GYPE: variants seen among roughly 807,000 people sequenced by gnomAD.
GYPE encodes the protein glycophorin-E.
In GYPE, 8 loss-of-function variants were observed where a neutral mutation model predicts 11.6. That is an observed-to-expected ratio of 0.69 (90% CI 0.41 to 1.25). GYPE has a LOEUF of 1.25. Ranked by LOEUF, GYPE falls within the 50% of genes most tolerant of loss-of-function variation. The pLI is 0.01. For synonymous variants in GYPE, 28 were observed against 29.6 expected (o/e 0.94, Z 0.18); for missense variants, 90 against 92.8 (o/e 0.97, Z 0.12).
At chr4:143,889,634 T>C (rs1351108543) in intron 1 of GYPE, among the ~76,000 whole-genome samples, 1 of 152,218 alleles carries the variant, frequency 6.6e-6, no homozygotes, top group East Asian at 1.9e-4. Flanking sequence ...ACTGAGCAAC[T>C]GGGACTATAG....
chr4:143,891,541 G>T (rs1435780280), intron 1 of GYPE, among the ~76,000 whole-genome samples: 1 of 151,810 alleles, frequency 6.6e-6, no homozygotes, highest in East Asian at 1.9e-4. Flanking sequence ...TGTTAGCCAG[G>T]ACGATCTTGA....
At chr4:143,885,178 A>G (rs2667342) in intron 1 of GYPE, among the ~76,000 whole-genome samples, 63 of 152,192 alleles carry the variant, frequency 4.1e-4, no homozygotes, top group African/African-American at 1.2e-3. Context: ...ATTACAGCAG[A>G]TTGTCAAAAG....
intron 3 of GYPE, chr4:143,875,642 T>G: frequency 7.2e-7 from 1 of 1,389,812 alleles, no homozygotes; most frequent in Non-Finnish European, 9.9e-7. Context: ...AAAGGGTACC[T>G]AGGGGTGTTG....
chr4:143,894,180 T>C (rs1744528247), intron 1 of GYPE, among the ~76,000 whole-genome samples: 1 of 151,754 alleles, frequency 6.6e-6, no homozygotes. Flanking sequence ...TAAGCACTTC[T>C]CTGTATTGGT....
At chr4:143,896,590 T>G (rs1744650212) in intron 1 of GYPE, among the ~76,000 whole-genome samples, 1 of 152,278 alleles carries the variant, frequency 6.6e-6, no homozygotes, top group South Asian at 2.1e-4. Flanking sequence ...ATTGTGGAAG[T>G]CAGTGTGGCG....
At chr4:143,876,074 A>C (rs1560936658) in intron 3 of GYPE, among the ~76,000 whole-genome samples, 1 of 152,000 alleles carries the variant, frequency 6.6e-6, no homozygotes, top group Admixed American at 6.6e-5. Flanking sequence ...AAAATATGTG[A>C]GAATTAAGAA....
chr4:143,880,203 C>G (rs1351540692), intron 2 of GYPE, among the ~76,000 whole-genome samples: 1 of 151,118 alleles, frequency 6.6e-6, no homozygotes, highest in East Asian at 1.9e-4. Context: ...GTTTTAATTT[C>G]TTTAACTCAC....
intron 1 of GYPE, among the ~76,000 whole-genome samples, chr4:143,884,112 G>A (rs1390920018): frequency 1.3e-5 from 2 of 150,686 alleles, no homozygotes; most frequent in Admixed American, 1.3e-4. Context: ...CCCTCTTGGG[G>A]CTCCAGCCAT....
intron 1 of GYPE, among the ~76,000 whole-genome samples, chr4:143,902,896 G>A (rs1036765619): frequency 2.0e-5 from 3 of 152,118 alleles, no homozygotes; most frequent in African/African-American, 7.2e-5. Flanking sequence ...CCTAGTTGAA[G>A]TGATATAGTA....
intron 1 of GYPE, among the ~76,000 whole-genome samples, chr4:143,902,265 C>G (rs1744895868): frequency 1.3e-5 from 2 of 151,352 alleles, no homozygotes; most frequent in Admixed American, 1.3e-4. Context: ...CATGTATTCC[C>G]TGGCATACAG....
At position 143,892,464 on chromosome 4, in the gene GYPE, T is replaced by A. The variant is rs1336155068; in HGVS notation, c.38-11955A>T. Among the ~76,000 whole-genome samples the A allele has an allele frequency of 2.0e-5, 3 of 151,824 alleles. No homozygotes were observed. In the East Asian group the frequency reaches 5.8e-4, roughly 29 times the overall value. ...GGGCATTTAGTGCTATAAATTTCCC[T>A]CTACACACAGCTTTGAATGTGTCCC... On this transcript the variant is annotated intron_variant, in intron 1 of 3. Coordinates refer to ENST00000358615, the MANE Select transcript of GYPE (RefSeq NM_198682.3).
intron 2 of GYPE, 70 bp from the exon 3 acceptor site, chr4:143,876,925 A>G: frequency 1.2e-6 from 1 of 827,586 alleles, no homozygotes; most frequent in Non-Finnish European, 2.1e-6. Flanking sequence ...ATTGAAAAAT[A>G]AGATAACATC....
At chr4:143,874,664 C>G (rs1379526705) in intron 3 of GYPE, among the ~76,000 whole-genome samples, 1 of 152,186 alleles carries the variant, frequency 6.6e-6, no homozygotes, top group South Asian at 2.1e-4. Context: ...CAGAATGTAT[C>G]TGGTGTGTAC....
rs542092042 is a variant in GYPE at position 143,882,818 on chromosome 4, A to C, written c.38-2309T>G. On this transcript the variant is annotated intron_variant, in intron 1 of 3. Coordinates refer to ENST00000358615, the MANE Select transcript of GYPE (RefSeq NM_198682.3). ...GCACATTTCTTATCCCTGTGGATAC[A>C]AAATGGGCTCTTCTGAAACATAAAA... Among the ~76,000 whole-genome samples, 19 of 152,342 alleles carry C rather than the reference A, an allele frequency of 1.2e-4. No individual in the cohort carries two copies. In the South Asian group the frequency reaches 2.5e-3, roughly 20 times the overall value.
chr4:143,891,475 C>T (rs1440616345), intron 1 of GYPE, among the ~76,000 whole-genome samples: 1 of 151,220 alleles, frequency 6.6e-6, no homozygotes, highest in Non-Finnish European at 1.5e-5. Context: ...ACTACAGGTG[C>T]CCGCCACCAA....
intron 2 of GYPE, among the ~76,000 whole-genome samples, chr4:143,880,006 T>G (rs112930563): frequency 6.6e-6 from 1 of 152,166 alleles, no homozygotes; most frequent in South Asian, 2.1e-4. Context: ...GGCCCCATTT[T>G]AAAATTAATG....
intron 2 of GYPE, among the ~76,000 whole-genome samples, chr4:143,877,252 A>G (rs1743851684): frequency 6.6e-6 from 1 of 152,242 alleles, no homozygotes; most frequent in Non-Finnish European, 1.5e-5. Flanking sequence ...CTTAACATAT[A>G]AAAGAGCATT....
rs554401584 is a variant in GYPE at position 143,885,106 on chromosome 4, C to T, written c.38-4597G>A. Among the ~76,000 whole-genome samples the T allele has an allele frequency of 1.4e-3, 220 of 151,952 alleles. 2 individuals are homozygous for T. Among genetic ancestry groups the T allele is most frequent in the African/African-American group, 4.6e-3 (192 of 41,432 alleles). ...ACTTCTGCTCACAGAAGGTCCTTAT[C>T]ACTTCTTAACATTCCTTTGGTGGAG... On this transcript the variant is annotated intron_variant, in intron 1 of 3. Transcript: ENST00000358615.
chr4:143,889,192 G>A (rs1337488431), intron 1 of GYPE, among the ~76,000 whole-genome samples: 1 of 151,858 alleles, frequency 6.6e-6, no homozygotes, highest in African/African-American at 2.4e-5. Flanking sequence ...GAGGACTGCA[G>A]CTTCCCTTCA....
Sources: allele counts gnomAD v4.1 joint callset (sites outside exome capture counted in the v4.1 genomes callset), GRCh38; gene constraint gnomAD v4.1.1; transcripts MANE v1.5; gene names NCBI Gene and HGNC (gene_info 2026-07-23, HGNC 2026-07-21).